Variants in PTPRG observed in about 807,000 individuals in gnomAD.
PTPRG encodes the protein protein tyrosine phosphatase receptor type G, also known as receptor-type tyrosine-protein phosphatase gamma.
A neutral mutation model predicts 165.3 loss-of-function variants in PTPRG; 102 were observed. That is an observed-to-expected ratio of 0.62 (90% CI 0.53 to 0.73). The LOEUF is 0.73. Among genes scored for constraint, PTPRG ranks in the 30% least tolerant of loss-of-function variants. The probability of loss-of-function intolerance (pLI) is 0.00; values close to 1 mark genes in which losing one functional copy is unlikely to be tolerated. For synonymous variants in PTPRG, 675 were observed against 669.5 expected, an observed-to-expected ratio of 1.01 and a Z score of -0.13; for missense variants, 1,866 against 1,861.4, an observed-to-expected ratio of 1.00 and a Z score of -0.05.
chr3:61,823,923 G>T (rs554213316), intron 2 of PTPRG, among the ~76,000 whole-genome samples: 1 of 152,112 alleles, frequency 6.6e-6, no homozygotes, highest in Admixed American at 6.5e-5. Flanking sequence ...TCAGGAGATC[G>T]AGACCATCCT....
chr3:62,167,985 T>C lies in PTPRG; in HGVS notation c.855T>C (p.Tyr285=), dbSNP rs768583792. Residue 285 remains tyrosine (Y), a synonymous_variant, in exon 8 of 30, where the codon TAT becomes TAC. Coordinates refer to ENST00000474889, the MANE Select transcript of PTPRG (RefSeq NM_002841.4). ...CCTCTGTTCAGCTTGAGGCTTTTTA[T>C]TCCATCTTCACCACGGAGCAGCAAG... ...PISYHQLEAF[Y]SIFTTEQQDH... is the part of the protein sequence containing the mutation. The C allele has an allele frequency of 1.2e-6, 2 of 1,613,412 alleles. No homozygotes were observed. The highest frequency in any genetic ancestry group is 1.1e-5 in the South Asian group (1 of 91,066).
chr3:61,834,149 A>G (rs908047100), intron 2 of PTPRG, among the ~76,000 whole-genome samples: 8 of 152,198 alleles, frequency 5.3e-5, no homozygotes, highest in South Asian at 2.1e-4. Context: ...TTGTTACAGC[A>G]TCTTTTCTTC....
Position 62,077,037 on chromosome 3 carries a change from A to G in PTPRG, c.520-1126A>G, listed in dbSNP as rs139226863. 3.4e-3 allele frequency among the ~76,000 whole-genome samples: 522 copies of G among 152,326 alleles called. 3 individuals are homozygous for G. The highest frequency in any genetic ancestry group is 5.9e-3 in the Non-Finnish European group (404 of 68,032). On this transcript the variant is annotated intron_variant, in intron 4 of 29. Transcript: ENST00000474889. Reference sequence around the variant, plus strand: ...TCCCAGTGTTTTGGGAGGCTGAGGCATGCAGACTGCTTGAGGCCAGGAGTT... The same window carrying G: ...TCCCAGTGTTTTGGGAGGCTGAGGCGTGCAGACTGCTTGAGGCCAGGAGTT...
chr3:61,675,191 C>T (rs1703179435), intron 1 of PTPRG, among the ~76,000 whole-genome samples: 1 of 152,056 alleles, frequency 6.6e-6, no homozygotes, highest in African/African-American at 2.4e-5. Flanking sequence ...ATGATATTTC[C>T]ATATATCTCT....
At chr3:62,060,811 T>C (rs62243317) in intron 4 of PTPRG, among the ~76,000 whole-genome samples, 15,429 of 152,270 alleles carry the variant, frequency 0.1, 983 homozygotes, top group Admixed American at 0.2. Flanking sequence ...AAATATCTTA[T>C]AGATTGTTTA....
intron 1 of PTPRG, among the ~76,000 whole-genome samples, chr3:61,713,421 T>G (rs2031661561): frequency 6.6e-6 from 1 of 151,192 alleles, no homozygotes; most frequent in Admixed American, 6.6e-5. Flanking sequence ...TCCACCCGCC[T>G]CGGCTTCCCA....
intron 2 of PTPRG, among the ~76,000 whole-genome samples, chr3:61,912,877 T>C (rs747616054): frequency 2.4e-4 from 37 of 152,292 alleles, no homozygotes; most frequent in Middle Eastern, 3.4e-3. Flanking sequence ...TATTTTTTTT[T>C]CACCATTTTT....
At chr3:62,083,895 T>C (rs2106773414) in intron 5 of PTPRG, among the ~76,000 whole-genome samples, 1 of 152,390 alleles carries the variant, frequency 6.6e-6, no homozygotes, top group Non-Finnish European at 1.5e-5. Flanking sequence ...TCTTTATCTT[T>C]GGTTAATTGT....
intron 4 of PTPRG, among the ~76,000 whole-genome samples, chr3:62,055,541 C>T (rs1161335386): frequency 6.6e-6 from 1 of 152,122 alleles, no homozygotes; most frequent in Non-Finnish European, 1.5e-5. Context: ...TATTTATTTC[C>T]TAGGGTTGCC....
In PTPRG at chr3:62,297,542, C is replaced by G. The variant is rs1024433611; in HGVS notation, c.*4235C>G. The G allele has an allele frequency of 4.7e-5, 7 of 149,728 alleles. No individual in the cohort carries two copies. The highest frequency in any genetic ancestry group is 1.7e-4 in the African/African-American group (7 of 40,644). 9.3% of individuals were successfully genotyped at this position (149,728 alleles called of 1,614,324 possible). A position where few individuals can be genotyped will look rare whatever the true frequency, so the allele number is the denominator to read the frequency against. On this transcript the variant is annotated 3_prime_UTR_variant, in exon 30 of 30. Transcript: ENST00000474889. The stretch of plus-strand genomic sequence containing the variant: ...TCTGTTTAAACTATATCAAATCATT[C>G]TATTATAGTGTTATTTAATATGTAA...
chr3:61,583,180 A>G (rs182014418), intron 1 of PTPRG, among the ~76,000 whole-genome samples: 22 of 152,368 alleles, frequency 1.4e-4, no homozygotes, highest in Non-Finnish European at 2.5e-4. Flanking sequence ...GCTAGCTGGC[A>G]GATGGGCCCT....
At chr3:61,748,388 A>G (rs1173491300) in intron 1 of PTPRG, among the ~76,000 whole-genome samples, 2 of 152,362 alleles carry the variant, frequency 1.3e-5, no homozygotes, top group East Asian at 1.9e-4. Context: ...TAAAAGAGAT[A>G]GAATGACCCT....
chr3:62,033,854 G>T (rs910390149), intron 4 of PTPRG, among the ~76,000 whole-genome samples: 1 of 152,118 alleles, frequency 6.6e-6, no homozygotes, highest in Non-Finnish European at 1.5e-5. Flanking sequence ...TGCAACCTCT[G>T]CCTCCCAGGT....
intron 2 of PTPRG, among the ~76,000 whole-genome samples, chr3:61,974,701 A>C (rs2040463177): frequency 6.6e-6 from 1 of 152,178 alleles, no homozygotes; most frequent in Non-Finnish European, 1.5e-5. Flanking sequence ...AAAACATATG[A>C]TTCTATTGGA....
intron 4 of PTPRG, among the ~76,000 whole-genome samples, chr3:62,071,408 A>T (rs1701206516): frequency 6.6e-6 from 1 of 152,172 alleles, no homozygotes; most frequent in African/African-American, 2.4e-5. Flanking sequence ...ACACAACTAT[A>T]ATAGTAGGCA....
chr3:61,894,276 C>T (rs930463088), intron 2 of PTPRG, among the ~76,000 whole-genome samples: 16 of 119,320 alleles, frequency 1.3e-4, no homozygotes, highest in Admixed American at 3.4e-4. Context: ...CACTCCAGCC[C>T]GGGCAACAGA....
intron 2 of PTPRG, among the ~76,000 whole-genome samples, chr3:61,799,504 T>C (rs1447309521): frequency 6.6e-6 from 1 of 152,202 alleles, no homozygotes; most frequent in Admixed American, 6.5e-5. Context: ...TTCCTTGTTC[T>C]TAATGACCTT....
At chr3:62,165,426 T>A (rs1466353888) in intron 7 of PTPRG, among the ~76,000 whole-genome samples, 1 of 152,176 alleles carries the variant, frequency 6.6e-6, no homozygotes, top group East Asian at 1.9e-4. Flanking sequence ...TTTCAGCATC[T>A]TTAGTTGTCT....
rs895779789 is a variant in PTPRG at position 61,857,089 on chromosome 3, C to CT, written c.190+108118dup. On this transcript the variant is annotated intron_variant, in intron 2 of 29. Coordinates refer to ENST00000474889, the MANE Select transcript of PTPRG (RefSeq NM_002841.4). ...TCCTATTTCTGTGTGTGTCTAGTAT[C>CT]TTTTTTTTTTTACCCCCTCTCTCAA... Among the ~76,000 whole-genome samples the CT allele has an allele frequency of 3.3e-3, 477 of 146,658 alleles. 8 individuals are homozygous for CT. Among genetic ancestry groups the CT allele is most frequent in the East Asian group, 0.019 (97 of 5,050 alleles).
Sources: gnomAD v4.1 joint callset for allele counts (sites outside exome capture counted in the v4.1 genomes callset) on GRCh38, gnomAD v4.1.1 for gene constraint, MANE v1.5 for transcripts, NCBI Gene and HGNC (gene_info 2026-07-23, HGNC 2026-07-21) for gene names.